The following DTNA variants were observed in gnomAD, a reference collection of about 807,000 sequenced individuals.
The protein encoded by DTNA is dystrophin-related protein 3.
Under a neutral mutation model 100.7 loss-of-function variants are expected in DTNA, and 43 were observed. The ratio of observed to expected loss-of-function variants is 0.43; its 90% confidence interval spans 0.33 to 0.55. The LOEUF is 0.55. DTNA is among the 20% of genes least tolerant of loss of function. The pLI, the probability that DTNA is intolerant of heterozygous loss-of-function variation, is 0.04. For synonymous variants in DTNA, 349 were observed against 347.9 expected (o/e 1.00, Z -0.04); for missense variants, 798 against 953.9 (o/e 0.84, Z 2.15).
chr18:34,527,240 C>G (rs2145393199), intron 1 of DTNA, among the ~76,000 whole-genome samples: 1 of 152,052 alleles, frequency 6.6e-6, no homozygotes, highest in Non-Finnish European at 1.5e-5. Context: ...AACAGTAAAA[C>G]AGATTAGACT....
chr18:34,643,615 C>T (rs937121539), intron 1 of DTNA, among the ~76,000 whole-genome samples: 1 of 152,154 alleles, frequency 6.6e-6, no homozygotes. Context: ...GCAACAAAAT[C>T]CCAAGATCCA....
At chr18:34,871,486 T>C (rs2096765470) in intron 17 of DTNA, among the ~76,000 whole-genome samples, 1 of 152,208 alleles carries the variant, frequency 6.6e-6, no homozygotes, top group Non-Finnish European at 1.5e-5. Flanking sequence ...TGGACCATTG[T>C]CCCTTAAGTC....
Position 34,594,223 on chromosome 18 carries a change from A to G in DTNA, c.-2+100709A>G, listed in dbSNP as rs117395104. 8.8e-3 allele frequency among the ~76,000 whole-genome samples: 1,334 copies of G among 152,014 alleles called. 28 individuals are homozygous for G. The highest frequency in any genetic ancestry group is 7.2e-3 in the Non-Finnish European group (489 of 67,978). On this transcript the variant is annotated intron_variant, in intron 1 of 19. Transcript: ENST00000283365. Reference sequence around the variant, plus strand: ...AGCTTGAGAGAAGACAAGGGAGAGGAAGAGTTGTCTGATTTTGCTATTGTC... The same window carrying G: ...AGCTTGAGAGAAGACAAGGGAGAGGGAGAGTTGTCTGATTTTGCTATTGTC...
chr18:34,765,749 T>G (rs1465057685), intron 2 of DTNA, among the ~76,000 whole-genome samples: 1 of 152,196 alleles, frequency 6.6e-6, no homozygotes, highest in Admixed American at 6.5e-5. Flanking sequence ...TAATCTCCAA[T>G]GTTGATTACA....
intron 1 of DTNA, among the ~76,000 whole-genome samples, chr18:34,582,210 C>T (rs2048718687): frequency 6.6e-6 from 1 of 152,070 alleles, no homozygotes; most frequent in South Asian, 2.1e-4. Context: ...TGTGTGTGAA[C>T]ACCTTAGCTC....
chr18:34,641,844 G>A (rs541870967), intron 1 of DTNA, among the ~76,000 whole-genome samples: 1 of 152,240 alleles, frequency 6.6e-6, no homozygotes, highest in East Asian at 1.9e-4. Context: ...AGCATTGTTT[G>A]CCAGAGAGCT....
At chr18:34,775,119 T>C (rs771058582) in intron 3 of DTNA, among the ~76,000 whole-genome samples, 6 of 152,238 alleles carry the variant, frequency 3.9e-5, no homozygotes, top group Non-Finnish European at 7.3e-5. Flanking sequence ...TTATGTTACA[T>C]TGCACAGTTG....
At chr18:34,754,784 G>A (rs1314398187) in intron 1 of DTNA, among the ~76,000 whole-genome samples, 1 of 152,172 alleles carries the variant, frequency 6.6e-6, no homozygotes. Context: ...TGTTTGTTGA[G>A]TGAGTGCTCA....
chr18:34,613,502 A>G (rs576152537), intron 1 of DTNA, among the ~76,000 whole-genome samples: 1 of 152,358 alleles, frequency 6.6e-6, no homozygotes, highest in South Asian at 2.1e-4. Context: ...AATGCAAAGT[A>G]AAAGGGAAAG....
intron 1 of DTNA, among the ~76,000 whole-genome samples, chr18:34,644,442 CATT>C (rs2148423701): frequency 6.6e-6 from 1 of 152,204 alleles, no homozygotes; most frequent in East Asian, 1.9e-4. Flanking sequence ...TAAACACACT[CATT>C]AGTTTAAAAG....
At chr18:34,530,780 C>G (rs1465228730) in intron 1 of DTNA, among the ~76,000 whole-genome samples, 2 of 152,112 alleles carry the variant, frequency 1.3e-5, no homozygotes, top group Non-Finnish European at 2.9e-5. Context: ...CAAACCAAAG[C>G]TATCTGATCC....
intron 1 of DTNA, among the ~76,000 whole-genome samples, chr18:34,744,812 C>G (rs552382078): frequency 6.6e-6 from 1 of 152,260 alleles, no homozygotes; most frequent in East Asian, 1.9e-4. Context: ...TCTGTGTGGG[C>G]AGTGCCCCAC....
At chr18:34,743,425 T>G (rs980205975) in intron 1 of DTNA, among the ~76,000 whole-genome samples, 2 of 152,168 alleles carry the variant, frequency 1.3e-5, no homozygotes, top group African/African-American at 4.8e-5. Flanking sequence ...CTAAATATTG[T>G]TGTTTTCTAA....
At chr18:34,798,259 C>T (rs965146047) in intron 4 of DTNA, among the ~76,000 whole-genome samples, 4 of 152,194 alleles carry the variant, frequency 2.6e-5, no homozygotes, top group African/African-American at 9.7e-5. Context: ...CTCAGCCTCT[C>T]AAAGTACTGG....
intron 1 of DTNA, chr18:34,755,760 T>C (rs532946654): frequency 7.6e-6 from 4 of 525,864 alleles, no homozygotes. Context: ...ATAAAAATTT[T>C]ATCCCCCCTC....
intron 13 of DTNA, among the ~76,000 whole-genome samples, chr18:34,845,344 A>G (rs1162551524): frequency 6.6e-6 from 1 of 152,130 alleles, no homozygotes; most frequent in African/African-American, 2.4e-5. Context: ...ACAGAATCCT[A>G]TATCTTCACG....
At chr18:34,874,107 G>T (rs1371893319) in intron 17 of DTNA, among the ~76,000 whole-genome samples, 1 of 152,204 alleles carries the variant, frequency 6.6e-6, no homozygotes, top group African/African-American at 2.4e-5. Flanking sequence ...CATTTTTCAG[G>T]ATTGATGTGG....
intron 1 of DTNA, among the ~76,000 whole-genome samples, chr18:34,610,321 A>G (rs996097590): frequency 6.6e-6 from 1 of 152,182 alleles, no homozygotes; most frequent in African/African-American, 2.4e-5. Context: ...TCTCATGGAA[A>G]TCTTTTGACA....
intron 9 of DTNA, chr18:34,821,585 A>G: frequency 2.2e-6 from 1 of 446,778 alleles, no homozygotes; most frequent in East Asian, 7.0e-5. Flanking sequence ...CTGGGTGGCC[A>G]AGATAACAAG....
Sources: allele counts gnomAD v4.1 joint callset (sites outside exome capture counted in the v4.1 genomes callset), GRCh38; gene constraint gnomAD v4.1.1; transcripts MANE v1.5; gene names NCBI Gene and HGNC (gene_info 2026-07-23, HGNC 2026-07-21).